The following TRAPPC9 variants were observed in gnomAD, a reference collection of about 807,000 sequenced individuals.
TRAPPC9 encodes the protein IKK2 binding protein.
In TRAPPC9, 83 loss-of-function variants were observed where a neutral mutation model predicts 124.0. That is an observed-to-expected ratio of 0.67 (90% CI 0.56 to 0.80). The LOEUF is 0.80. Among genes scored for constraint, TRAPPC9 ranks in the 30% least tolerant of loss-of-function variants. TRAPPC9 has a pLI of 0.00. For synonymous variants in TRAPPC9, 638 were observed against 617.5 expected (o/e 1.03, Z -0.49); for missense variants, 1,302 against 1,508.3 (o/e 0.86, Z 2.27).
chr8:140,307,510 A>T (rs1034427883), intron 10 of TRAPPC9, among the ~76,000 whole-genome samples: 2 of 152,182 alleles, frequency 1.3e-5, no homozygotes, highest in African/African-American at 2.4e-5. Flanking sequence ...AAGGACCCAA[A>T]ATGTCAACAA....
At chr8:139,994,451 T>C (rs919814144) in intron 18 of TRAPPC9, among the ~76,000 whole-genome samples, 1 of 152,218 alleles carries the variant, frequency 6.6e-6, no homozygotes, top group Non-Finnish European at 1.5e-5. Flanking sequence ...AGACTACCCA[T>C]AGCCACCCAA....
chr8:140,412,943 G>GGGAAAGGAAAGGAAAAA (rs2069760054), intron 5 of TRAPPC9, among the ~76,000 whole-genome samples: 1 of 152,050 alleles, frequency 6.6e-6, no homozygotes, highest in African/African-American at 2.4e-5. Context: ...CTTTGTGTCT[G>GGGAAAGGAAAGGAAAAA]GGAAAGGAAA....
chr8:140,155,223 A>C (rs2130849956), intron 17 of TRAPPC9, among the ~76,000 whole-genome samples: 1 of 152,360 alleles, frequency 6.6e-6, no homozygotes, highest in African/African-American at 2.4e-5. Context: ...TTTGACTCAA[A>C]GACAGAGAGG....
chr8:139,900,173 G>A lies in TRAPPC9; in HGVS notation c.2964+9974C>T, dbSNP rs6995558. 9.0e-3 allele frequency among the ~76,000 whole-genome samples: 1,363 copies of A among 152,288 alleles called. 11 individuals carry two copies. The highest frequency in any genetic ancestry group is 0.031 in the African/African-American group (1,296 of 41,568). On this transcript the variant is annotated intron_variant, in intron 20 of 22. Coordinates refer to ENST00000438773, the MANE Select transcript of TRAPPC9 (RefSeq NM_001160372.4). ...CTCACAGCTTGCTTTTCCTGTTGCC[G>A]CTTCCCCTTTTAGACCCTGAGCCCG...
At chr8:140,072,855 A>G (rs1247137669) in intron 17 of TRAPPC9, among the ~76,000 whole-genome samples, 1 of 152,194 alleles carries the variant, frequency 6.6e-6, no homozygotes, top group Admixed American at 6.5e-5. Flanking sequence ...AAGAACTCCT[A>G]CGAGTCTATA....
At chr8:140,139,418 TTTC>T (rs1342974570) in intron 17 of TRAPPC9, among the ~76,000 whole-genome samples, 7 of 152,132 alleles carry the variant, frequency 4.6e-5, no homozygotes, top group African/African-American at 1.7e-4. Flanking sequence ...CGATCCAGCA[TTTC>T]ACACGGGGGT....
intron 17 of TRAPPC9, among the ~76,000 whole-genome samples, chr8:140,110,121 G>C (rs544125517): frequency 8.7e-4 from 129 of 147,952 alleles, no homozygotes; most frequent in African/African-American, 2.9e-3. Context: ...TTGCTCCCCT[G>C]ACCCTAGACT....
chr8:139,737,381 C>T (rs1440370486), intron 21 of TRAPPC9, among the ~76,000 whole-genome samples: 1 of 151,540 alleles, frequency 6.6e-6, no homozygotes, highest in East Asian at 2.0e-4. Context: ...GGCAGGGATG[C>T]CAGCGCATGT....
At chr8:139,903,152 G>A (rs1043483337) in intron 20 of TRAPPC9, among the ~76,000 whole-genome samples, 10 of 152,118 alleles carry the variant, frequency 6.6e-5, no homozygotes, top group Non-Finnish European at 1.2e-4. Flanking sequence ...TGGTTACACC[G>A]TCCACATCCC....
At chr8:139,899,221 C>T (rs1005168538) in intron 20 of TRAPPC9, among the ~76,000 whole-genome samples, 1 of 151,880 alleles carries the variant, frequency 6.6e-6, no homozygotes. Context: ...GTGTCTACCG[C>T]CTACACAGTC....
intron 18 of TRAPPC9, among the ~76,000 whole-genome samples, chr8:140,007,385 A>T (rs2045673923): frequency 6.6e-6 from 1 of 152,238 alleles, no homozygotes; most frequent in Non-Finnish European, 1.5e-5. Flanking sequence ...AATATAACAT[A>T]TAATGATGAT....
chr8:140,367,771 C>T (rs1027327269), intron 8 of TRAPPC9, among the ~76,000 whole-genome samples: 1 of 152,110 alleles, frequency 6.6e-6, no homozygotes, highest in Admixed American at 6.5e-5. Flanking sequence ...TCAATTGCAA[C>T]AAATGTACCA....
chr8:140,136,954 A>G (rs1427322930), intron 17 of TRAPPC9, among the ~76,000 whole-genome samples: 2 of 152,154 alleles, frequency 1.3e-5, no homozygotes, highest in Non-Finnish European at 2.9e-5. Flanking sequence ...CACCTAATTA[A>G]GAGAATTTAA....
intron 21 of TRAPPC9, among the ~76,000 whole-genome samples, chr8:139,779,978 C>T (rs547223619): frequency 1.2e-3 from 189 of 152,114 alleles, no homozygotes; most frequent in African/African-American, 4.4e-3. Flanking sequence ...AAGAGCTACA[C>T]GAGGAAAACT....
intron 19 of TRAPPC9, among the ~76,000 whole-genome samples, chr8:139,922,475 C>T (rs117383806): frequency 0.021 from 3,159 of 152,358 alleles, 61 homozygotes; most frequent in South Asian, 0.049. Flanking sequence ...AGCCACCGCT[C>T]CTGGCCTGAA....
chr8:140,381,659 C>A (rs2068612115), intron 7 of TRAPPC9, among the ~76,000 whole-genome samples: 1 of 97,472 alleles, frequency 1.0e-5, no homozygotes, highest in Non-Finnish European at 1.8e-5. Flanking sequence ...CAGAGTGAGA[C>A]TCTGTCTCAA....
At chr8:140,184,011 A>G (rs2062292015) in intron 17 of TRAPPC9, among the ~76,000 whole-genome samples, 1 of 145,988 alleles carries the variant, frequency 6.8e-6, no homozygotes, top group Non-Finnish European at 1.5e-5. Context: ...GGGAGAAGAG[A>G]AGATCCATTG....
intron 17 of TRAPPC9, among the ~76,000 whole-genome samples, chr8:140,057,678 G>A (rs567638525): frequency 6.6e-6 from 1 of 152,308 alleles, no homozygotes; most frequent in South Asian, 2.1e-4. Flanking sequence ...TGGGGACTGG[G>A]AGAGGGGAAA....
chr8:140,064,533 T>C (rs1441751151), intron 17 of TRAPPC9, among the ~76,000 whole-genome samples: 1 of 152,168 alleles, frequency 6.6e-6, no homozygotes, highest in African/African-American at 2.4e-5. Context: ...ATATTATACT[T>C]GTGAATTTCC....
Sources: gnomAD v4.1 joint callset for allele counts (sites outside exome capture counted in the v4.1 genomes callset) on GRCh38, gnomAD v4.1.1 for gene constraint, MANE v1.5 for transcripts, NCBI Gene and HGNC (gene_info 2026-07-23, HGNC 2026-07-21) for gene names.